TDRP: variants seen among roughly 807,000 people sequenced by gnomAD.
TDRP encodes the protein testis development related protein.
TDRP carries 12 observed loss-of-function variants against 10.5 expected under a neutral mutation model. The observed-to-expected ratio is 1.15, with a 90% CI of 0.73 to 1.86. TDRP has a LOEUF of 1.86. TDRP is among the 40% of genes most tolerant of loss of function. The pLI is 0.00. For missense variants in TDRP, 353 were observed against 229.2 expected (o/e 1.54, Z -3.49); for synonymous variants, 139 against 95.4 (o/e 1.46, Z -2.67).
At chr8:530,579 T>C (rs1415225228) in intron 1 of TDRP, among the ~76,000 whole-genome samples, 2 of 152,152 alleles carry the variant, frequency 1.3e-5, no homozygotes, top group Admixed American at 6.5e-5. Context: ...TCTCTGGGCT[T>C]GTACATGGAA....
At chr8:498,897 C>G (rs1213738938) in intron 1 of TDRP, among the ~76,000 whole-genome samples, 1 of 152,154 alleles carries the variant, frequency 6.6e-6, no homozygotes, top group African/African-American at 2.4e-5. Context: ...CTCTCTCTCT[C>G]TCTCTCTCCT....
chr8:497,665 A>T (rs1179934329), intron 1 of TDRP, among the ~76,000 whole-genome samples: 1 of 152,252 alleles, frequency 6.6e-6, no homozygotes, highest in African/African-American at 2.4e-5. Context: ...TAAGTAAAGA[A>T]GAGCCAATGT....
At chr8:541,171 C>G (rs999241908) in intron 1 of TDRP, among the ~76,000 whole-genome samples, 1 of 152,190 alleles carries the variant, frequency 6.6e-6, no homozygotes, top group Admixed American at 6.5e-5. Context: ...CAATAAAGAT[C>G]AGTCCTCTTG....
chr8:515,513 G>C (rs1271457411), intron 1 of TDRP, among the ~76,000 whole-genome samples: 3 of 152,084 alleles, frequency 2.0e-5, no homozygotes, highest in Non-Finnish European at 4.4e-5. Flanking sequence ...GCTCCAATGG[G>C]CATTTTTGTC....
chr8:518,169 C>T (rs1030702526), intron 1 of TDRP, among the ~76,000 whole-genome samples: 6 of 152,128 alleles, frequency 3.9e-5, no homozygotes, highest in Non-Finnish European at 8.8e-5. Flanking sequence ...AAAGGCACCG[C>T]TCTGGAGAGG....
Position 490,097 on chromosome 8 carries a change from C to T in TDRP, c.*2302G>A, listed in dbSNP as rs1800926297. On this transcript the variant is annotated 3_prime_UTR_variant, in exon 3 of 3. Coordinates refer to ENST00000324079, the MANE Select transcript of TDRP (RefSeq NM_001384899.1). ...TTCACACAAGGAAGCTGTGTGTTTACACAATTCAAACACCCAGAATCAAAA... is the reference window on the plus strand; with the variant it reads ...TTCACACAAGGAAGCTGTGTGTTTATACAATTCAAACACCCAGAATCAAAA... The T allele has an allele frequency of 6.6e-6, 1 of 152,188 alleles. No individual in the cohort carries two copies. The highest frequency in any genetic ancestry group is 6.5e-5 in the Admixed American group (1 of 15,284). 9.4% of individuals were successfully genotyped at this position (152,188 alleles called of 1,614,324 possible).
In TDRP at chr8:528,169, C is replaced by G. The variant is rs969546836; in HGVS notation, c.108+16481G>C. 5.3e-5 allele frequency among the ~76,000 whole-genome samples: 8 copies of G among 152,306 alleles called. No individual in the cohort carries two copies. In the South Asian group the frequency reaches 1.0e-3, roughly 20 times the overall value. On this transcript the variant is annotated intron_variant, in intron 1 of 2. Coordinates refer to ENST00000324079, the MANE Select transcript of TDRP (RefSeq NM_001384899.1). ...GGGTATATGAAAAGGTATTCAACATCAGTGATCATCAGAGGAATGCAAGTC... is the reference window on the plus strand; with the variant it reads ...GGGTATATGAAAAGGTATTCAACATGAGTGATCATCAGAGGAATGCAAGTC...
At chr8:534,285 G>A (rs1187146196) in intron 1 of TDRP, among the ~76,000 whole-genome samples, 2 of 152,178 alleles carry the variant, frequency 1.3e-5, no homozygotes, top group East Asian at 3.8e-4. Context: ...GTACAAAGTT[G>A]CCACAGTCAA....
intron 1 of TDRP, among the ~76,000 whole-genome samples, chr8:517,287 G>A (rs766290103): frequency 6.6e-6 from 1 of 152,150 alleles, no homozygotes; most frequent in Non-Finnish European, 1.5e-5. Context: ...ACATATTTTG[G>A]AATGGCCCTG....
At chr8:524,689 A>C (rs1355884608) in intron 1 of TDRP, among the ~76,000 whole-genome samples, 5 of 152,208 alleles carry the variant, frequency 3.3e-5, no homozygotes, top group African/African-American at 1.2e-4. Context: ...CATCAGTCTC[A>C]AAAGTAGAAT....
chr8:499,568 A>C (rs1308693122), intron 1 of TDRP, among the ~76,000 whole-genome samples: 1 of 152,222 alleles, frequency 6.6e-6, no homozygotes, highest in Non-Finnish European at 1.5e-5. Flanking sequence ...CTCTACTGCC[A>C]GGTGAGCAAT....
chr8:540,576 T>C (rs77002530), intron 1 of TDRP, among the ~76,000 whole-genome samples: 16 of 152,236 alleles, frequency 1.1e-4, no homozygotes, highest in South Asian at 4.1e-4. Flanking sequence ...TGTTGGAGGA[T>C]TGCAATGAAT....
At chr8:526,424 A>G (rs1802036727) in intron 1 of TDRP, among the ~76,000 whole-genome samples, 3 of 152,134 alleles carry the variant, frequency 2.0e-5, no homozygotes, top group Non-Finnish European at 4.4e-5. Context: ...TATTATGAAG[A>G]GATGTTGAAT....
At chr8:502,601 A>T (rs1373198177) in intron 1 of TDRP, among the ~76,000 whole-genome samples, 3 of 152,234 alleles carry the variant, frequency 2.0e-5, no homozygotes, top group Non-Finnish European at 4.4e-5. Context: ...CGCCTACCTC[A>T]GCACGTGTCA....
chr8:492,722 C>T lies in TDRP; in HGVS notation c.235G>A (p.Glu79Lys). 6 of 1,612,060 alleles carry T rather than the reference C, an allele frequency of 3.7e-6. No individual in the cohort carries two copies. Among genetic ancestry groups the T allele is most frequent in the Non-Finnish European group, 5.1e-6 (6 of 1,178,876 alleles). The stretch of plus-strand genomic sequence containing the variant: ...CCAGATTTCTTCTCTGCCTTCAACT[C>T]TTCTTTTAATCGTAAGTTAGTTCTA... ...SKGTNLRLKEELKAEKKSGFW... is the reference protein window; with the variant it reads ...SKGTNLRLKEKLKAEKKSGFW... The change falls in exon 3 of 3, where the codon GAG becomes AAG. Residue 79 changes from glutamate (E) to lysine (K), a missense_variant. Coordinates refer to ENST00000324079, the MANE Select transcript of TDRP (RefSeq NM_001384899.1).
At chr8:526,724 G>C (rs966029362) in intron 1 of TDRP, among the ~76,000 whole-genome samples, 2 of 151,974 alleles carry the variant, frequency 1.3e-5, no homozygotes, top group Non-Finnish European at 2.9e-5. Context: ...GAATAGCTTT[G>C]GACTTATTCC....
rs1033885872 is a variant in TDRP at position 491,395 on chromosome 8, C to G, written c.*1004G>C. 1 of 427,984 alleles carries G rather than the reference C, an allele frequency of 2.3e-6. No individual in the cohort carries two copies. The highest frequency in any genetic ancestry group is 4.1e-6 in the Non-Finnish European group (1 of 246,678). The allele number at this position is 427,984 out of a possible 1,614,324, so 26.5% of individuals were successfully genotyped here. On this transcript the variant is annotated 3_prime_UTR_variant, in exon 3 of 3. Transcript: ENST00000324079. ...CGCATAACTGGCACCTGATACTGTG[C>G]AGGATCACATTGTCAAGGACAGTAA... is the stretch of plus-strand genomic sequence containing the variant.
At chr8:519,715 A>C (rs1278349417) in intron 1 of TDRP, among the ~76,000 whole-genome samples, 2 of 152,176 alleles carry the variant, frequency 1.3e-5, no homozygotes, top group African/African-American at 4.8e-5. Flanking sequence ...GAGTGAAAAA[A>C]TCTACTCTTC....
chr8:493,954 T>G (rs922754554), intron 2 of TDRP, among the ~76,000 whole-genome samples: 2 of 151,844 alleles, frequency 1.3e-5, no homozygotes. Context: ...AAAGTACAGT[T>G]TCTTTTTTTT....
Sources: allele counts gnomAD v4.1 joint callset (sites outside exome capture counted in the v4.1 genomes callset), GRCh38; gene constraint gnomAD v4.1.1; transcripts MANE v1.5; gene names NCBI Gene and HGNC (gene_info 2026-07-23, HGNC 2026-07-21).